NSG2: variants seen among roughly 807,000 people sequenced by gnomAD.
The protein encoded by NSG2 is neuronal vesicle trafficking-associated protein 2.
NSG2 carries 4 observed loss-of-function variants against 16.9 expected under a neutral mutation model. That is an observed-to-expected ratio of 0.24 (90% CI 0.12 to 0.54). NSG2 has a LOEUF of 0.54. Ranked by LOEUF, NSG2 falls within the 20% of genes least tolerant of loss-of-function variation. The probability of loss-of-function intolerance (pLI) is 0.95; values close to 1 mark genes in which losing one functional copy is unlikely to be tolerated. For missense variants in NSG2, 179 were observed against 221.1 expected (o/e 0.81, Z 1.21); for synonymous variants, 98 against 88.7 (o/e 1.11, Z -0.59).
intron 3 of NSG2, among the ~76,000 whole-genome samples, chr5:174,102,296 ACTC>A (rs1299261103): frequency 4.6e-5 from 7 of 152,058 alleles, no homozygotes; most frequent in African/African-American, 1.7e-4. Context: ...AGCAATGTAA[ACTC>A]CTGTCTCCTC....
At chr5:174,066,817 C>T (rs892409784) in intron 3 of NSG2, among the ~76,000 whole-genome samples, 7 of 151,128 alleles carry the variant, frequency 4.6e-5, no homozygotes, top group South Asian at 4.2e-4. Context: ...GGTGAAACCC[C>T]GTCTCTACTA....
At chr5:174,091,044 T>C (rs932478092) in intron 3 of NSG2, among the ~76,000 whole-genome samples, 6 of 150,942 alleles carry the variant, frequency 4.0e-5, no homozygotes, top group African/African-American at 1.5e-4. Flanking sequence ...TCTTCCTTTT[T>C]TTTTTTTTTT....
At position 174,082,099 on chromosome 5, in the gene NSG2, C is replaced by G. The variant is rs369872785; in HGVS notation, c.213+17784C>G. ...CGTACAAATAAATTTCATTTGTACC[C>G]GACCACCTGTCTGAAGCTTTGAAAG... is the stretch of plus-strand genomic sequence containing the variant. On this transcript the variant is annotated intron_variant, in intron 3 of 4. Transcript: ENST00000303177. Among the ~76,000 whole-genome samples, 159 of 152,100 alleles carry G rather than the reference C, an allele frequency of 1.0e-3. No individual in the cohort carries two copies. In the South Asian group the frequency reaches 0.015, roughly 15 times the overall value.
chr5:174,065,610 G>T (rs941902159), intron 3 of NSG2, among the ~76,000 whole-genome samples: 1 of 152,216 alleles, frequency 6.6e-6, no homozygotes, highest in African/African-American at 2.4e-5. Context: ...TTAGGCTACT[G>T]CAGTCATTCA....
intron 3 of NSG2, among the ~76,000 whole-genome samples, chr5:174,075,923 C>T (rs1220050458): frequency 6.6e-6 from 1 of 152,200 alleles, no homozygotes; most frequent in Non-Finnish European, 1.5e-5. Flanking sequence ...GCGCTCAGCT[C>T]TGTGATCCAA....
intron 2 of NSG2, among the ~76,000 whole-genome samples, chr5:174,055,029 CTGT>C (rs1561661631): frequency 6.6e-6 from 1 of 152,160 alleles, no homozygotes; most frequent in Admixed American, 6.5e-5. Context: ...ATTATTATTG[CTGT>C]TGTTCTTAAC....
chr5:174,079,151 T>G (rs558201066), intron 3 of NSG2, among the ~76,000 whole-genome samples: 43 of 152,186 alleles, frequency 2.8e-4, no homozygotes, highest in Non-Finnish European at 5.0e-4. Flanking sequence ...CTCCTCCCCG[T>G]GTGCTGGCAC....
chr5:174,084,361 T>A (rs1229018492), intron 3 of NSG2, among the ~76,000 whole-genome samples: 1 of 152,192 alleles, frequency 6.6e-6, no homozygotes, highest in Non-Finnish European at 1.5e-5. Context: ...ATACTTAGCA[T>A]AGGTTTATCA....
chr5:174,099,073 C>T (rs997504038), intron 3 of NSG2, among the ~76,000 whole-genome samples: 3 of 152,164 alleles, frequency 2.0e-5, no homozygotes, highest in East Asian at 3.9e-4. Flanking sequence ...TAGGCTCACC[C>T]GGCATGGCGG....
chr5:174,055,429 T>TA lies in NSG2; in HGVS notation c.129+8555dup, dbSNP rs35075574. 1.8e-3 allele frequency among the ~76,000 whole-genome samples: 262 copies of TA among 148,862 alleles called. 1 individual carries two copies. The highest frequency in any genetic ancestry group is 2.9e-3 in the Non-Finnish European group (196 of 66,898). ...TAACACGGTGAAACCCCATCTCTACTAAAAAAAAAATGTAAAAAATTAGCT... is the reference window on the plus strand; with the variant it reads ...TAACACGGTGAAACCCCATCTCTACTAAAAAAAAAAATGTAAAAAATTAGCT... On this transcript the variant is annotated intron_variant, in intron 2 of 4. Transcript: ENST00000303177.
chr5:174,066,926 CT>C (rs1288919049), intron 3 of NSG2, among the ~76,000 whole-genome samples: 8 of 128,404 alleles, frequency 6.2e-5, no homozygotes, highest in Middle Eastern at 4.6e-3. Context: ...GGAGGCGGAG[CT>C]TGCAGTGAGC....
intron 2 of NSG2, among the ~76,000 whole-genome samples, chr5:174,054,027 A>C (rs968725186): frequency 1.3e-5 from 2 of 152,244 alleles, no homozygotes; most frequent in Admixed American, 1.3e-4. Flanking sequence ...AACTTGGACT[A>C]TTCCCTGAGA....
intron 3 of NSG2, among the ~76,000 whole-genome samples, chr5:174,099,074 G>A (rs774794886): frequency 2.6e-5 from 4 of 152,124 alleles, no homozygotes; most frequent in South Asian, 2.1e-4. Flanking sequence ...AGGCTCACCC[G>A]GCATGGCGGG....
Position 174,108,464 on chromosome 5 carries a change from A to T in NSG2, c.*959A>T, listed in dbSNP as rs1265795590. ...TGTTGTTTCCCAAAGTGCTGATAAC[A>T]ATAACAACAACAATAGGATTCCAAC... On this transcript the variant is annotated 3_prime_UTR_variant, in exon 5 of 5. Transcript: ENST00000303177. The T allele has an allele frequency of 3.3e-5, 5 of 152,494 alleles. No homozygotes were observed. Among genetic ancestry groups the T allele is most frequent in the Non-Finnish European group, 7.3e-5 (5 of 68,160 alleles). 9.4% of individuals were successfully genotyped at this position (152,494 alleles called of 1,614,324 possible). A position where few individuals can be genotyped will look rare whatever the true frequency, so the allele number is the denominator to read the frequency against.
intron 3 of NSG2, among the ~76,000 whole-genome samples, chr5:174,086,960 A>T (rs1760635213): frequency 6.6e-6 from 1 of 152,096 alleles, no homozygotes; most frequent in South Asian, 2.1e-4. Flanking sequence ...CAAGGATTCC[A>T]CAAATATTAA....
At chr5:174,106,634 G>A (rs1007111028) in intron 4 of NSG2, among the ~76,000 whole-genome samples, 5 of 118,420 alleles carry the variant, frequency 4.2e-5, no homozygotes, top group East Asian at 2.6e-4. Flanking sequence ...TCACTCTGTC[G>A]CCCACGCTGG....
intron 3 of NSG2, among the ~76,000 whole-genome samples, chr5:174,095,179 G>A (rs1168345803): frequency 6.6e-6 from 1 of 152,210 alleles, no homozygotes; most frequent in African/African-American, 2.4e-5. Context: ...TGCATGCTGA[G>A]GAGCATGGCA....
Position 174,046,896 on chromosome 5 carries a change from C to T in NSG2, c.129+12C>T. ...CTGCTCCAGAAAAGGTAAAGCATGT[C>T]CTCTTGCTCTCATCAGCCCCCAGGC... On this transcript the variant is annotated intron_variant, in intron 2 of 4. Transcript: ENST00000303177. 1 of 1,613,776 alleles carries T rather than the reference C, an allele frequency of 6.2e-7. No homozygotes were observed. Among genetic ancestry groups the T allele is most frequent in the South Asian group, 1.1e-5 (1 of 91,052 alleles).
intron 3 of NSG2, among the ~76,000 whole-genome samples, chr5:174,068,449 G>A (rs1760179594): frequency 6.6e-6 from 1 of 152,226 alleles, no homozygotes; most frequent in Admixed American, 6.5e-5. Flanking sequence ...CTGAGAGCAA[G>A]GGGTTCTCTA....
Sources: allele counts gnomAD v4.1 joint callset (sites outside exome capture counted in the v4.1 genomes callset), GRCh38; gene constraint gnomAD v4.1.1; transcripts MANE v1.5; gene names NCBI Gene and HGNC (gene_info 2026-07-23, HGNC 2026-07-21).